Variants in CFAP47 observed in about 807,000 individuals in gnomAD.
The protein encoded by CFAP47 is cilia and flagella associated protein 47.
Under a neutral mutation model 148.1 loss-of-function variants are expected in CFAP47, and 29 were observed. That is an observed-to-expected ratio of 0.20 (90% confidence interval 0.15 to 0.27). CFAP47 has a LOEUF of 0.27. Among genes scored for constraint, CFAP47 ranks in the 10% least tolerant of loss-of-function variants. CFAP47 has a pLI of 1.00. For missense variants in CFAP47, 1,872 were observed against 1,697.5 expected (o/e 1.10, Z -1.81); for synonymous variants, 664 against 577.3 (o/e 1.15, Z -2.15).
At chrX:36,225,909 G>T (rs1441067515) in intron 45 of CFAP47, among the ~76,000 whole-genome samples, 1 of 111,192 alleles carries the variant, frequency 9.0e-6, no homozygotes, top group African/African-American at 3.3e-5. Flanking sequence ...CAAAGCATAG[G>T]TAGGGGAGTA....
At chrX:36,070,496 CTTTTTTTTTT>C in intron 27 of CFAP47, among the ~76,000 whole-genome samples, 1 of 91,195 alleles carries the variant, frequency 1.1e-5, no homozygotes. Flanking sequence ...TTTTCTTTTC[CTTTTTTTTTT>C]TTTTTTTTTG....
At chrX:36,088,150 C>A (rs990269918) in intron 30 of CFAP47, among the ~76,000 whole-genome samples, 7 of 111,727 alleles carry the variant, frequency 6.3e-5, no homozygotes, top group Non-Finnish European at 1.3e-4. Flanking sequence ...CAAATACAGT[C>A]ACATTCTGAA....
At position 35,975,828 on chromosome X, in the gene CFAP47, T is replaced by C; in HGVS notation, c.2628T>C (p.Tyr876=). ...GTTTTCGGGGGACAGTTAGATTGTA[T>C]AATCGTCAGAATTGTTGTGCTCAGT... ...KTCFRGTVRL[Y]NRQNCCAQFQ... Residue 876 remains tyrosine (Y), a synonymous_variant, in exon 15 of 64, where the codon TAT becomes TAC. Coordinates refer to ENST00000378653, the MANE Select transcript of CFAP47 (RefSeq NM_001304548.2). 1 of 1,210,249 alleles carries C rather than the reference T, an allele frequency of 8.3e-7. No homozygotes were observed. The highest frequency in any genetic ancestry group is 1.1e-6 in the Non-Finnish European group (1 of 894,184).
At chrX:36,156,455 T>C (rs16987391) in intron 37 of CFAP47, among the ~76,000 whole-genome samples, 11,654 of 110,758 alleles carry the variant, frequency 0.11, 1,212 homozygotes, top group African/African-American at 0.32. Flanking sequence ...GCTATAACCA[T>C]AGAGTGACTG....
intron 30 of CFAP47, among the ~76,000 whole-genome samples, chrX:36,087,983 T>C (rs930460252): frequency 2.7e-5 from 3 of 111,758 alleles, no homozygotes; most frequent in African/African-American, 9.8e-5. Flanking sequence ...CTCTTCTTGC[T>C]GTGTCCTCAT....
At chrX:36,255,100 T>C (rs1354690726) in intron 49 of CFAP47, among the ~76,000 whole-genome samples, 1 of 112,095 alleles carries the variant, frequency 8.9e-6, no homozygotes, top group Non-Finnish European at 1.9e-5. Flanking sequence ...TTGTTTTAAA[T>C]GCCTGTTTGG....
chrX:36,325,038 A>C (rs1556012759), intron 57 of CFAP47, among the ~76,000 whole-genome samples: 1 of 111,205 alleles, frequency 9.0e-6, no homozygotes, highest in African/African-American at 3.3e-5. Flanking sequence ...TGACATTCCT[A>C]ATCCTTCATA....
chrX:36,173,298 C>T (rs931242088), intron 39 of CFAP47, among the ~76,000 whole-genome samples: 104 of 111,673 alleles, frequency 9.3e-4, no homozygotes, highest in Non-Finnish European at 1.6e-3. Flanking sequence ...TCTCTATTTC[C>T]TTCAGTTCTG....
intron 40 of CFAP47, among the ~76,000 whole-genome samples, chrX:36,180,056 C>G (rs958114011): frequency 9.0e-6 from 1 of 111,551 alleles, no homozygotes; most frequent in Non-Finnish European, 1.9e-5. Flanking sequence ...CCACTCTGTG[C>G]ACGTCCTTTA....
intron 59 of CFAP47, among the ~76,000 whole-genome samples, chrX:36,352,344 T>A (rs1941749434): frequency 1.8e-5 from 2 of 111,595 alleles, no homozygotes; most frequent in Admixed American, 1.9e-4. Flanking sequence ...ATCATTGTAT[T>A]CTTATTGTAC....
Position 36,111,503 on chromosome X carries a change from C to T in CFAP47, c.5320+6812C>T, listed in dbSNP as rs750952548. Reference sequence around the variant, plus strand: ...TTGACATGCTGCTGAATTCAGTTTGCCAGTATTTTGTTGAGGATTCTTGCA... The same window carrying T: ...TTGACATGCTGCTGAATTCAGTTTGTCAGTATTTTGTTGAGGATTCTTGCA... On this transcript the variant is annotated intron_variant, in intron 33 of 63. Coordinates refer to ENST00000378653, the MANE Select transcript of CFAP47 (RefSeq NM_001304548.2). Among the ~76,000 whole-genome samples the T allele has an allele frequency of 1.8e-4, 20 of 111,698 alleles. No homozygotes were observed. In the South Asian group the frequency reaches 5.9e-3, roughly 33 times the overall value.
chrX:36,106,985 A>G, intron 33 of CFAP47, among the ~76,000 whole-genome samples: 1 of 111,522 alleles, frequency 9.0e-6, no homozygotes, highest in South Asian at 3.7e-4. Context: ...TTTGGGTGAT[A>G]ATGGTTTGTT....
At chrX:36,205,345 T>A (rs1030670544) in intron 45 of CFAP47, among the ~76,000 whole-genome samples, 2 of 112,175 alleles carry the variant, frequency 1.8e-5, no homozygotes, top group Non-Finnish European at 3.8e-5. Context: ...AAATTACTGG[T>A]ACTGAAACTT....
rs760986914 is a variant in CFAP47 at position 35,956,187 on chromosome X, G to A, written c.1401G>A (p.Gly467=). The change falls in exon 8 of 64, where the codon GGG becomes GGA. Residue 467 remains glycine, a synonymous_variant. Coordinates refer to ENST00000378653, the MANE Select transcript of CFAP47 (RefSeq NM_001304548.2). The part of the protein sequence containing the change: ...IDPEKGKITG[G]GMVDVMCSFV... ...CTGAAAAGGGCAAGATTACTGGAGG[G>A]GGTATGGTGGTAAGATAATTTTTCT... 6 of 1,197,935 alleles carry A rather than the reference G, an allele frequency of 5.0e-6. No homozygotes were observed. Among genetic ancestry groups the A allele is most frequent in the South Asian group, 3.6e-5 (2 of 56,319 alleles).
intron 39 of CFAP47, among the ~76,000 whole-genome samples, chrX:36,163,138 T>G (rs146336595): frequency 0.036 from 4,020 of 112,238 alleles, 183 homozygotes; most frequent in African/African-American, 0.12. Context: ...GTTTATTTTA[T>G]TCCAGAAATT....
At chrX:36,064,329 G>C (rs935114966) in intron 26 of CFAP47, among the ~76,000 whole-genome samples, 7 of 111,707 alleles carry the variant, frequency 6.3e-5, no homozygotes, top group Admixed American at 1.9e-4. Flanking sequence ...TCTGATACAT[G>C]TGCTTAGGAT....
At chrX:36,341,315 G>A (rs1373260787) in intron 57 of CFAP47, among the ~76,000 whole-genome samples, 2 of 111,092 alleles carry the variant, frequency 1.8e-5, no homozygotes, top group East Asian at 2.8e-4. Flanking sequence ...GATTACAGGC[G>A]TGAGCCACCG....
intron 58 of CFAP47, among the ~76,000 whole-genome samples, chrX:36,348,691 T>A (rs1941718569): frequency 1.8e-5 from 2 of 111,153 alleles, no homozygotes; most frequent in South Asian, 7.5e-4. Flanking sequence ...GAATTCATGA[T>A]ACTGGAATTC....
At chrX:36,375,773 T>C (rs946543775) in intron 62 of CFAP47, among the ~76,000 whole-genome samples, 1 of 112,126 alleles carries the variant, frequency 8.9e-6, no homozygotes, top group South Asian at 3.7e-4. Flanking sequence ...ACAGGGCACA[T>C]TGGGGTGTGT....
Sources: gnomAD v4.1 joint callset for allele counts (sites outside exome capture counted in the v4.1 genomes callset) on GRCh38, gnomAD v4.1.1 for gene constraint, MANE v1.5 for transcripts, NCBI Gene and HGNC (gene_info 2026-07-23, HGNC 2026-07-21) for gene names.